TRIO: variants seen among roughly 807,000 people sequenced by gnomAD.
TRIO encodes the protein trio Rho guanine nucleotide exchange factor, also known as triple functional domain protein.
TRIO carries 58 observed loss-of-function variants against 351.9 expected under a neutral mutation model. The ratio of observed to expected loss-of-function variants is 0.16; its 90% confidence interval spans 0.13 to 0.21. The LOEUF is 0.21. Ranked by LOEUF, TRIO falls within the 10% of genes least tolerant of loss-of-function variation. The pLI, the probability that TRIO is intolerant of heterozygous loss-of-function variation, is 1.00. For missense variants in TRIO, 3,201 were observed against 4,027.8 expected, an observed-to-expected ratio of 0.79 and a Z score of 5.56; for synonymous variants, 1,758 against 1,595.7, an observed-to-expected ratio of 1.10 and a Z score of -2.42.
intron 34 of TRIO, among the ~76,000 whole-genome samples, chr5:14,436,748 A>G (rs1751620864): frequency 6.6e-6 from 1 of 152,218 alleles, no homozygotes; most frequent in African/African-American, 2.4e-5. Flanking sequence ...GTCAAATCTT[A>G]AAACTCAGAA....
intron 34 of TRIO, among the ~76,000 whole-genome samples, chr5:14,427,439 C>T (rs1750740184): frequency 6.6e-6 from 1 of 152,226 alleles, no homozygotes; most frequent in East Asian, 1.9e-4. Flanking sequence ...CAGCCCAAGC[C>T]TCACTGCTCG....
chr5:14,409,647 A>G (rs1749021025), intron 33 of TRIO, among the ~76,000 whole-genome samples: 2 of 152,038 alleles, frequency 1.3e-5, no homozygotes, highest in South Asian at 4.1e-4. Flanking sequence ...ATCCTGGCTA[A>G]CATGGTGAAA....
At chr5:14,465,523 C>T in intron 36 of TRIO, 22 bp from the exon 37 acceptor site, 1 of 1,613,724 alleles carries the variant, frequency 6.2e-7, no homozygotes, top group African/African-American at 1.3e-5. Context: ...CCACCCCCTC[C>T]TTTTCTTAAT....
At chr5:14,495,669 A>G (rs1415661846) in intron 49 of TRIO, among the ~76,000 whole-genome samples, 1 of 141,308 alleles carries the variant, frequency 7.1e-6, no homozygotes, top group African/African-American at 2.8e-5. Context: ...AAAAAAAAAA[A>G]AAAAAAAAAA....
chr5:14,506,515 A>T (rs1015182390), intron 55 of TRIO, among the ~76,000 whole-genome samples: 1 of 152,240 alleles, frequency 6.6e-6, no homozygotes, highest in Non-Finnish European at 1.5e-5. Context: ...CTCGTGTATC[A>T]AATGGGTACA....
intron 11 of TRIO, among the ~76,000 whole-genome samples, chr5:14,342,644 A>G (rs1742045038): frequency 6.6e-6 from 1 of 152,152 alleles, no homozygotes; most frequent in South Asian, 2.1e-4. Flanking sequence ...TCTTGTGCAA[A>G]GTTGTCTAAA....
In TRIO at chr5:14,374,226, T is replaced by A. The variant is rs1745367256; in HGVS notation, c.3217-3T>A. The A allele has an allele frequency of 1.2e-6, 2 of 1,612,700 alleles. No homozygotes were observed. Among genetic ancestry groups the A allele is most frequent in the Non-Finnish European group, 1.7e-6 (2 of 1,179,126 alleles). ...CAACACATTGCTCTCCATTGTTTTTTAGGCTTGCACCCTTGCTCGGAGGAA... is the reference window on the plus strand; with the variant it reads ...CAACACATTGCTCTCCATTGTTTTTAAGGCTTGCACCCTTGCTCGGAGGAA... On this transcript the variant is annotated splice_region_variant and splice_polypyrimidine_tract_variant and intron_variant, in intron 18 of 56. Coordinates refer to ENST00000344204, the MANE Select transcript of TRIO (RefSeq NM_007118.4).
At chr5:14,281,032 C>A (rs1322636735) in intron 3 of TRIO, among the ~76,000 whole-genome samples, 1 of 152,108 alleles carries the variant, frequency 6.6e-6, no homozygotes, top group African/African-American at 2.4e-5. Context: ...TTACTAGGAG[C>A]TGGCCTGTGT....
At position 14,192,672 on chromosome 5, in the gene TRIO, G is replaced by C. The variant is rs1032219946; in HGVS notation, c.157+48790G>C. ...AAACAAATGTCTTTGAACATTTACA[G>C]GTCAAGAATACAAGAGAGGAAGGTC... On this transcript the variant is annotated intron_variant, in intron 1 of 56. Coordinates refer to ENST00000344204, the MANE Select transcript of TRIO (RefSeq NM_007118.4). 3.3e-5 allele frequency among the ~76,000 whole-genome samples: 5 copies of C among 152,284 alleles called. No individual in the cohort carries two copies. The East Asian group carries it at 7.7e-4, about 23-fold the overall frequency.
chr5:14,300,757 T>G (rs1319963372), intron 7 of TRIO, among the ~76,000 whole-genome samples: 5 of 152,226 alleles, frequency 3.3e-5, no homozygotes, highest in African/African-American at 9.6e-5. Flanking sequence ...GCTAGAACTT[T>G]CGCTGAGGTC....
chr5:14,203,627 A>G (rs1791274983), intron 1 of TRIO, among the ~76,000 whole-genome samples: 1 of 152,232 alleles, frequency 6.6e-6, no homozygotes, highest in African/African-American at 2.4e-5. Context: ...CTTTTAAAAA[A>G]TGTATGTAGT....
intron 1 of TRIO, among the ~76,000 whole-genome samples, chr5:14,158,488 G>A (rs1400055567): frequency 6.6e-6 from 1 of 152,060 alleles, no homozygotes; most frequent in South Asian, 2.1e-4. Context: ...CTGCTAATAG[G>A]TCAAACATTC....
intron 49 of TRIO, among the ~76,000 whole-genome samples, chr5:14,494,241 A>C (rs1032451112): frequency 6.6e-5 from 10 of 152,106 alleles, no homozygotes; most frequent in African/African-American, 2.4e-4. Context: ...ACTGAGTATT[A>C]TTTTACTGAA....
rs145483613 is a variant in TRIO at position 14,468,094 on chromosome 5, G to A, written c.5763+2454G>A. On this transcript the variant is annotated intron_variant, in intron 37 of 56. Transcript: ENST00000344204. The stretch of plus-strand genomic sequence containing the variant: ...ATTCTGCAGCTGTTTAAATTGTATT[G>A]CATTTTATGTGGTCTGTGATTCATT... Among the ~76,000 whole-genome samples, 4 of 152,324 alleles carry A rather than the reference G, an allele frequency of 2.6e-5. No individual in the cohort carries two copies. The East Asian group carries it at 7.7e-4, about 29-fold the overall frequency.
At chr5:14,503,417 G>A (rs536812167) in intron 54 of TRIO, among the ~76,000 whole-genome samples, 2 of 152,368 alleles carry the variant, frequency 1.3e-5, no homozygotes, top group Admixed American at 1.3e-4. Context: ...TTAGGACAGT[G>A]GTGACATGTG....
Position 14,286,241 on chromosome 5 carries a change from C to T in TRIO, c.348-630C>T, listed in dbSNP as rs998183072. ...GTGGAACTAGATTAAAACCACAGAG[C>T]CTGCCAGAAGGGTGCCAAGAACTCC... is the stretch of plus-strand genomic sequence containing the variant. On this transcript the variant is annotated intron_variant, in intron 3 of 56. Transcript: ENST00000344204. The surrounding 1 kb of genome is among the most constrained non-coding windows in gnomAD (Gnocchi z 4.4). Among the ~76,000 whole-genome samples the T allele has an allele frequency of 6.6e-6, 1 of 152,066 alleles. No individual in the cohort carries two copies. Among genetic ancestry groups the T allele is most frequent in the African/African-American group, 2.4e-5 (1 of 41,370 alleles).
intron 21 of TRIO, among the ~76,000 whole-genome samples, chr5:14,381,966 C>G (rs748453185): frequency 7.9e-5 from 12 of 152,202 alleles, no homozygotes; most frequent in Non-Finnish European, 1.3e-4. Context: ...CTGAGTCCTT[C>G]CAAGAACTCA....
chr5:14,223,866 C>G (rs958060893), intron 1 of TRIO, among the ~76,000 whole-genome samples: 1 of 152,148 alleles, frequency 6.6e-6, no homozygotes, highest in Non-Finnish European at 1.5e-5. Flanking sequence ...TATTGTCTTA[C>G]TGTTACATTT....
chr5:14,324,171 G>C lies in TRIO; in HGVS notation c.1732-6607G>C, dbSNP rs568530198. Among the ~76,000 whole-genome samples the C allele has an allele frequency of 3.9e-5, 6 of 152,214 alleles. No homozygotes were observed. In the East Asian group the frequency reaches 5.8e-4, roughly 15 times the overall value. On this transcript the variant is annotated intron_variant, in intron 9 of 56. Coordinates refer to ENST00000344204, the MANE Select transcript of TRIO (RefSeq NM_007118.4). ...AATTTTGGTTTTATAGAGAATGTGG[G>C]CTGGCAGGGAGGAAATCTTTATTTT...
Sources: gnomAD v4.1 joint callset for allele counts (sites outside exome capture counted in the v4.1 genomes callset) on GRCh38, gnomAD v4.1.1 for gene constraint, Gnocchi (gnomAD v3.1) non-coding constraint, MANE v1.5 for transcripts, NCBI Gene and HGNC (gene_info 2026-07-23, HGNC 2026-07-21) for gene names.